Variants in REV3L observed in about 807,000 individuals in gnomAD.
The protein encoded by REV3L is DNA polymerase zeta catalytic subunit.
A neutral mutation model predicts 299.4 loss-of-function variants in REV3L; 69 were observed. That is an observed-to-expected ratio of 0.23 (90% confidence interval 0.19 to 0.28). The LOEUF (loss-of-function observed/expected upper bound fraction) is 0.28, where lower values mean the gene tolerates loss of function less well. Among genes scored for constraint, REV3L ranks in the 10% least tolerant of loss-of-function variants. The pLI is 1.00. For synonymous variants in REV3L, 1,238 were observed against 1,271.4 expected, an observed-to-expected ratio of 0.97 and a Z score of 0.56; for missense variants, 3,128 against 3,693.8, an observed-to-expected ratio of 0.85 and a Z score of 3.97.
chr6:111,471,492 T>A (rs745844075), intron 1 of REV3L, among the ~76,000 whole-genome samples: 24 of 152,178 alleles, frequency 1.6e-4, no homozygotes, highest in Non-Finnish European at 2.5e-4. Flanking sequence ...AATTCAAACA[T>A]TTTAAAGAGT....
In REV3L at chr6:111,422,667, T is replaced by C. The variant is rs1204442016; in HGVS notation, c.140-6195A>G. On this transcript the variant is annotated intron_variant, in intron 1 of 31. Coordinates refer to ENST00000368802, the MANE Select transcript of REV3L (RefSeq NM_001372078.1). The stretch of plus-strand genomic sequence containing the variant: ...ATATATACATATATATATATACATA[T>C]ATATATATATACGTATATATATATA... Among the ~76,000 whole-genome samples, 13 of 56,306 alleles carry C rather than the reference T, an allele frequency of 2.3e-4. 1 individual carries two copies. The highest frequency in any genetic ancestry group is 2.1e-4 in the Non-Finnish European group (4 of 19,078). The allele number at this position is 56,306 out of a possible 152,430, so 36.9% of individuals were successfully genotyped here. A position where few individuals can be genotyped will look rare whatever the true frequency, so the allele number is the denominator to read the frequency against.
intron 2 of REV3L, 36 bp downstream of exon 2, chr6:111,416,247 A>C: frequency 7.1e-7 from 1 of 1,413,666 alleles, no homozygotes; most frequent in Non-Finnish European, 9.5e-7. Context: ...ATAGCAACAT[A>C]AACAGAAATT....
chr6:111,333,086 CA>C (rs1432760756), intron 23 of REV3L, 36 bp downstream of exon 23: 1 of 1,605,268 alleles, frequency 6.2e-7, no homozygotes, highest in Non-Finnish European at 8.5e-7. Context: ...AAGTACAAAG[CA>C]CAACAATATT....
At chr6:111,356,113 A>G (rs1323423388) in intron 18 of REV3L, among the ~76,000 whole-genome samples, 1 of 152,170 alleles carries the variant, frequency 6.6e-6, no homozygotes, top group Non-Finnish European at 1.5e-5. Context: ...ATACTGATTT[A>G]GTTTTTATAG....
chr6:111,457,724 G>T (rs981678276), intron 1 of REV3L, among the ~76,000 whole-genome samples: 11 of 151,650 alleles, frequency 7.3e-5, no homozygotes, highest in African/African-American at 2.7e-4. Context: ...ATTATTAAAT[G>T]GCCCATATAC....
intron 3 of REV3L, among the ~76,000 whole-genome samples, chr6:111,407,318 G>A (rs1056536497): frequency 3.3e-5 from 5 of 151,964 alleles, no homozygotes; most frequent in Admixed American, 6.6e-5. Context: ...CAAACCCATG[G>A]GAGTAAATAA....
At chr6:111,468,748 T>C (rs1455233861) in intron 1 of REV3L, among the ~76,000 whole-genome samples, 2 of 16,290 alleles carry the variant, frequency 1.2e-4, no homozygotes, top group Non-Finnish European at 2.4e-4. Context: ...ATGTAGCATG[T>C]AAGATAATAT....
intron 26 of REV3L, among the ~76,000 whole-genome samples, chr6:111,316,016 A>G (rs1022689615): frequency 2.0e-5 from 3 of 151,998 alleles, no homozygotes; most frequent in Non-Finnish European, 4.4e-5. Context: ...AAGGCGGTGG[A>G]TCATCTGAGG....
At chr6:111,411,862 T>C (rs989546981) in intron 2 of REV3L, 4 of 444,238 alleles carry the variant, frequency 9.0e-6, no homozygotes, top group African/African-American at 8.6e-5. Context: ...CACCCCTTAA[T>C]CTCAAACATC....
chr6:111,465,074 TA>T (rs1197842736), intron 1 of REV3L, among the ~76,000 whole-genome samples: 1 of 147,500 alleles, frequency 6.8e-6, no homozygotes, highest in Non-Finnish European at 1.5e-5. Context: ...AAAATAAAGT[TA>T]TTTTTATTTG....
chr6:111,354,849 T>C (rs555036477), intron 18 of REV3L, among the ~76,000 whole-genome samples: 1 of 152,274 alleles, frequency 6.6e-6, no homozygotes, highest in South Asian at 2.1e-4. Flanking sequence ...AGAAAAAAGC[T>C]GCTTCACAGT....
At chr6:111,380,259 CTT>C (rs36039889) in intron 10 of REV3L, 40 bp from the exon 11 acceptor site, 753 of 1,155,154 alleles carry the variant, frequency 6.5e-4, no homozygotes, top group South Asian at 7.4e-4. Context: ...AATAAGTTTT[CTT>C]TTTTTTTTTT....
At chr6:111,339,653 G>T (rs1257992847) in intron 21 of REV3L, among the ~76,000 whole-genome samples, 1 of 152,092 alleles carries the variant, frequency 6.6e-6, no homozygotes, top group East Asian at 1.9e-4. Context: ...GGTAACAACT[G>T]CTGTTTTCTG....
At chr6:111,331,838 T>C in intron 23 of REV3L, 54 bp from the exon 24 acceptor site, 2 of 1,145,018 alleles carry the variant, frequency 1.7e-6, no homozygotes, top group Non-Finnish European at 2.6e-6. Flanking sequence ...AGAACAGAGA[T>C]TTTACGCAAT....
intron 4 of REV3L, among the ~76,000 whole-genome samples, chr6:111,395,487 C>A (rs1782396692): frequency 6.6e-6 from 1 of 151,818 alleles, no homozygotes; most frequent in South Asian, 2.1e-4. Flanking sequence ...GGATTGTGTT[C>A]TTGTTTTCTT....
intron 1 of REV3L, among the ~76,000 whole-genome samples, chr6:111,473,666 A>C (rs1792536566): frequency 6.6e-6 from 1 of 152,048 alleles, no homozygotes. Context: ...GTAGGGTCTC[A>C]AAGATTTCTG....
chr6:111,479,823 CT>C (rs1793407066), intron 1 of REV3L, among the ~76,000 whole-genome samples: 1 of 152,120 alleles, frequency 6.6e-6, no homozygotes, highest in Non-Finnish European at 1.5e-5. Context: ...GAATATCCCT[CT>C]TTTTAAAAAT....
At position 111,372,895 on chromosome 6, in the gene REV3L, T is replaced by C; in HGVS notation, c.5460A>G (p.Ala1820=). Residue 1820 remains alanine (A), a synonymous_variant, in exon 13 of 32, where the codon GCA becomes GCG. Coordinates refer to ENST00000368802, the MANE Select transcript of REV3L (RefSeq NM_001372078.1). ...GTTCACCATCAGGGGAGGAGAGTAT[T>C]GCAGTAAAAGAGGTATTGGCTGAGT... ...SLDSANTSFT[A]ILSSPDGELV... is the part of the protein sequence containing the mutation. The C allele has an allele frequency of 1.2e-6, 2 of 1,614,116 alleles. No homozygotes were observed. The highest frequency in any genetic ancestry group is 1.7e-6 in the Non-Finnish European group (2 of 1,180,002).
chr6:111,329,822 G>A lies in REV3L; in HGVS notation c.8035-84C>T. ...AGAAGGAAGCATAAAACATAATAAT[G>A]GCCAACTGTCAGGAATTGAAACATG... On this transcript the variant is annotated intron_variant, in intron 24 of 31. Transcript: ENST00000368802. 2.9e-6 allele frequency: 3 copies of A among 1,019,236 alleles called. No individual in the cohort carries two copies. The South Asian group carries it at 4.2e-5, about 14-fold the overall frequency. The allele number at this position is 1,019,236 out of a possible 1,614,324, so 63.1% of individuals were successfully genotyped here.
Sources: gnomAD v4.1 joint callset for allele counts (sites outside exome capture counted in the v4.1 genomes callset) on GRCh38, gnomAD v4.1.1 for gene constraint, MANE v1.5 for transcripts, NCBI Gene and HGNC (gene_info 2026-07-23, HGNC 2026-07-21) for gene names.